Variants in FMNL2 observed in about 807,000 individuals in gnomAD.
FMNL2 encodes formin like 2.
Under a neutral mutation model 130.2 loss-of-function variants are expected in FMNL2, and 51 were observed. The ratio of observed to expected loss-of-function variants is 0.39; its 90% CI spans 0.31 to 0.49. FMNL2 has a LOEUF of 0.49. Ranked by LOEUF, FMNL2 falls within the 20% of genes least tolerant of loss-of-function variation. The probability of loss-of-function intolerance (pLI) is 0.85; values close to 1 mark genes in which losing one functional copy is unlikely to be tolerated. For synonymous variants in FMNL2, 465 were observed against 467.1 expected, an observed-to-expected ratio of 1.00 and a Z score of 0.06; for missense variants, 977 against 1,316.2, an observed-to-expected ratio of 0.74 and a Z score of 3.99.
At position 152,633,052 on chromosome 2, in the gene FMNL2, C is replaced by T. The variant is rs576676575; in HGVS notation, c.2680+915C>T. Among the ~76,000 whole-genome samples the T allele has an allele frequency of 2.0e-5, 3 of 152,028 alleles. 1 individual carries two copies. In the South Asian group the frequency reaches 6.2e-4, roughly 32 times the overall value. ...GTCTACCCTCTCGTACAAGATTTCT[C>T]ATACTGTATTACAACAATTTGCATG... On this transcript the variant is annotated intron_variant, in intron 21 of 25. Transcript: ENST00000288670.
chr2:152,338,834 C>CAT (rs1553862427), intron 1 of FMNL2, among the ~76,000 whole-genome samples: 1 of 150,196 alleles, frequency 6.7e-6, no homozygotes, highest in South Asian at 2.1e-4. Context: ...CACACACACA[C>CAT]ACACACACAC....
intron 1 of FMNL2, among the ~76,000 whole-genome samples, chr2:152,377,401 T>A (rs574366675): frequency 6.6e-6 from 1 of 152,380 alleles, no homozygotes; most frequent in Admixed American, 6.5e-5. Context: ...TAGTCTATCC[T>A]CTTTTAAAGA....
At chr2:152,377,415 C>A (rs553169388) in intron 1 of FMNL2, among the ~76,000 whole-genome samples, 1 of 152,108 alleles carries the variant, frequency 6.6e-6, no homozygotes, top group Non-Finnish European at 1.5e-5. Context: ...TTAAAGAGTT[C>A]TTGTTGAAAG....
At chr2:152,343,796 TG>T (rs1318162458) in intron 1 of FMNL2, among the ~76,000 whole-genome samples, 1 of 151,788 alleles carries the variant, frequency 6.6e-6, no homozygotes, top group African/African-American at 2.4e-5. Context: ...ATAAGGGTAT[TG>T]GTAAGTTAAA....
intron 1 of FMNL2, among the ~76,000 whole-genome samples, chr2:152,448,606 A>G (rs1688477139): frequency 6.6e-6 from 1 of 152,180 alleles, no homozygotes; most frequent in Admixed American, 6.5e-5. Context: ...GTATGGCATA[A>G]AAGGAAACCT....
At chr2:152,453,808 G>T (rs747095983) in intron 1 of FMNL2, among the ~76,000 whole-genome samples, 1 of 152,186 alleles carries the variant, frequency 6.6e-6, no homozygotes, top group Non-Finnish European at 1.5e-5. Flanking sequence ...AAGCCAAGGC[G>T]TTAGAGCCTA....
Position 152,580,978 on chromosome 2 carries a change from C to G in FMNL2, c.805C>G (p.Leu269Val), listed in dbSNP as rs1380614294. The change falls in exon 9 of 26, where the codon CTG (leucine) becomes GTG (valine). Residue 269 changes from leucine to valine, a missense_variant. By Grantham distance (32) the Leu-to-Val change is conservative. Coordinates refer to ENST00000288670, the MANE Select transcript of FMNL2 (RefSeq NM_052905.4). Reference protein sequence around the residue: ...NPRTKALVLELLAAVCLVRGG... With the variant: ...NPRTKALVLEVLAAVCLVRGG... ...CAGAACAAAAGCCCTTGTCTTAGAA[C>G]TGTTGGCAGCCGTTTGTCTTGTCAG... 9 of 1,613,852 alleles carry G rather than the reference C, an allele frequency of 5.6e-6. No homozygotes were observed. In the South Asian group the frequency reaches 9.9e-5, roughly 18 times the overall value.
intron 1 of FMNL2, among the ~76,000 whole-genome samples, chr2:152,508,920 A>C (rs1412243669): frequency 1.3e-5 from 2 of 152,162 alleles, no homozygotes; most frequent in Non-Finnish European, 2.9e-5. Flanking sequence ...TCCAGCACTT[A>C]AAATGGAATA....
At chr2:152,550,388 C>T (rs1579940401) in intron 4 of FMNL2, among the ~76,000 whole-genome samples, 2 of 152,234 alleles carry the variant, frequency 1.3e-5, no homozygotes, top group Admixed American at 1.3e-4. Context: ...TAGACTTTGT[C>T]CCTGGAAATG....
rs35206829 is a variant in FMNL2, at chr2:152,383,273, C to CTTTTTTTTTTT, written c.117+47564_117+47574dup. 6.3e-3 allele frequency among the ~76,000 whole-genome samples: 611 copies of CTTTTTTTTTTT among 96,868 alleles called. 1 individual carries two copies. The highest frequency in any genetic ancestry group is 8.9e-3 in the Non-Finnish European group (446 of 50,046). The allele number at this position is 96,868 out of a possible 152,430, so 63.5% of individuals were successfully genotyped here. A position where few individuals can be genotyped will look rare whatever the true frequency, so the allele number is the denominator to read the frequency against. On this transcript the variant is annotated intron_variant, in intron 1 of 25. Coordinates refer to ENST00000288670, the MANE Select transcript of FMNL2 (RefSeq NM_052905.4). ...TTAGGTGTGGACACTTCCGTTAATC[C>CTTTTTTTTTTT]TTTTTTTTTTTTTTTTTTTTTGTAG...
intron 1 of FMNL2, among the ~76,000 whole-genome samples, chr2:152,484,905 G>A (rs1176543580): frequency 2.0e-5 from 3 of 152,158 alleles, no homozygotes; most frequent in African/African-American, 7.2e-5. Flanking sequence ...TTCCTGTCTT[G>A]GGAAAAAGCT....
chr2:152,356,802 C>T (rs1484702507), intron 1 of FMNL2, among the ~76,000 whole-genome samples: 3 of 150,110 alleles, frequency 2.0e-5, no homozygotes, highest in Non-Finnish European at 2.9e-5. Context: ...GAAGTGCTGT[C>T]CAGTGTTAAC....
At chr2:152,492,168 C>T (rs1438830343) in intron 1 of FMNL2, among the ~76,000 whole-genome samples, 1 of 152,130 alleles carries the variant, frequency 6.6e-6, no homozygotes, top group Non-Finnish European at 1.5e-5. Flanking sequence ...GTTGAACTCA[C>T]GGTCATGGTA....
chr2:152,352,629 A>G (rs1682559776), intron 1 of FMNL2, among the ~76,000 whole-genome samples: 2 of 152,172 alleles, frequency 1.3e-5, no homozygotes, highest in African/African-American at 2.4e-5. Flanking sequence ...CCTTCAGAAA[A>G]ATTACAGATA....
intron 4 of FMNL2, among the ~76,000 whole-genome samples, chr2:152,558,324 C>T (rs549175404): frequency 7.8e-4 from 119 of 152,198 alleles, no homozygotes; most frequent in Middle Eastern, 3.4e-3. Context: ...TTTGGAATCC[C>T]GCCTGGATTT....
At chr2:152,579,302 A>G (rs1465250748) in intron 8 of FMNL2, among the ~76,000 whole-genome samples, 31 of 152,208 alleles carry the variant, frequency 2.0e-4, no homozygotes, top group Admixed American at 2.0e-3. Flanking sequence ...AGATTTACGT[A>G]TATCAGTTAT....
At chr2:152,576,496 A>T (rs1696488413) in intron 7 of FMNL2, among the ~76,000 whole-genome samples, 1 of 152,210 alleles carries the variant, frequency 6.6e-6, no homozygotes, top group East Asian at 1.9e-4. Flanking sequence ...TGAGATCAAT[A>T]ATATTACTCT....
chr2:152,461,348 G>A (rs1323121571), intron 1 of FMNL2, among the ~76,000 whole-genome samples: 1 of 128,458 alleles, frequency 7.8e-6, no homozygotes, highest in African/African-American at 3.5e-5. Flanking sequence ...TTACTAGTGA[G>A]ATATTTTACT....
intron 1 of FMNL2, among the ~76,000 whole-genome samples, chr2:152,430,481 C>A (rs2106086326): frequency 6.6e-6 from 1 of 152,282 alleles, no homozygotes; most frequent in Middle Eastern, 3.4e-3. Flanking sequence ...AGAGCCCAGG[C>A]CTATGGGGTA....
Sources: allele counts gnomAD v4.1 joint callset (sites outside exome capture counted in the v4.1 genomes callset), GRCh38; gene constraint gnomAD v4.1.1; transcripts MANE v1.5; gene names NCBI Gene and HGNC (gene_info 2026-07-23, HGNC 2026-07-21).